The following SYTL3 variants were observed in gnomAD, a reference collection of about 807,000 sequenced individuals.
The protein encoded by SYTL3 is synaptotagmin-like protein 3.
In SYTL3, 88 loss-of-function variants were observed where a neutral mutation model predicts 82.1. The observed-to-expected ratio is 1.07, with a 90% CI of 0.90 to 1.28. The LOEUF (loss-of-function observed/expected upper bound fraction) is 1.28, where lower values mean the gene tolerates loss of function less well. Ranked by LOEUF, SYTL3 falls within the 50% of genes most tolerant of loss-of-function variation. The pLI is 0.00. For missense variants in SYTL3, 831 were observed against 757.6 expected, an observed-to-expected ratio of 1.10 and a Z score of -1.14; for synonymous variants, 311 against 289.4, an observed-to-expected ratio of 1.07 and a Z score of -0.76.
At chr6:158,674,575 G>A (rs1011163451) in intron 5 of SYTL3, among the ~76,000 whole-genome samples, 5 of 152,278 alleles carry the variant, frequency 3.3e-5, no homozygotes, top group South Asian at 4.1e-4. Flanking sequence ...TCCTGCTTTC[G>A]GCCTTCTCAT....
chr6:158,756,766 TATC>T (rs1381214852), intron 13 of SYTL3, among the ~76,000 whole-genome samples: 2 of 141,580 alleles, frequency 1.4e-5, no homozygotes, highest in African/African-American at 2.6e-5. Context: ...TTGGGCCTGT[TATC>T]ATTATTTTTG....
At position 158,674,417 on chromosome 6, in the gene SYTL3, C is replaced by T. The variant is rs547848981; in HGVS notation, c.330-8508C>T. 1.2e-4 allele frequency among the ~76,000 whole-genome samples: 19 copies of T among 152,274 alleles called. No individual in the cohort carries two copies. In the East Asian group the frequency reaches 3.7e-3, roughly 29 times the overall value. On this transcript the variant is annotated intron_variant, in intron 5 of 17. Coordinates refer to ENST00000611299, the MANE Select transcript of SYTL3 (RefSeq NM_001242394.2). ...GGAGGCTGACTGCTTTCTGAAAGTTCCCTCTGGTTCCACGGTGATGCACGG... is the reference window on the plus strand; with the variant it reads ...GGAGGCTGACTGCTTTCTGAAAGTTTCCTCTGGTTCCACGGTGATGCACGG...
Position 158,764,823 on chromosome 6 carries a change from T to C in SYTL3, c.*219T>C. ...AAGCCTCTGGTGGGTTATCTCCTCTTTGAGATGTAGAAAATGGCCAGATTT... is the reference window on the plus strand; with the variant it reads ...AAGCCTCTGGTGGGTTATCTCCTCTCTGAGATGTAGAAAATGGCCAGATTT... On this transcript the variant is annotated 3_prime_UTR_variant, in exon 18 of 18. Coordinates refer to ENST00000611299, the MANE Select transcript of SYTL3 (RefSeq NM_001242394.2). 2.3e-6 allele frequency: 1 copy of C among 427,670 alleles called. No homozygotes were observed. The highest frequency in any genetic ancestry group is 4.2e-6 in the Non-Finnish European group (1 of 239,420). 26.5% of individuals were successfully genotyped at this position (427,670 alleles called of 1,614,324 possible). A position where few individuals can be genotyped will look rare whatever the true frequency, so the allele number is the denominator to read the frequency against.
At chr6:158,717,244 A>G (rs533878095) in intron 9 of SYTL3, among the ~76,000 whole-genome samples, 2 of 152,304 alleles carry the variant, frequency 1.3e-5, no homozygotes, top group South Asian at 2.1e-4. Context: ...ATTGCACTCC[A>G]TTCTGGGCAA....
upstream of SYTL3, among the ~76,000 whole-genome samples, chr6:158,648,173 A>T (rs1420038279): frequency 2.0e-5 from 3 of 152,142 alleles, no homozygotes; most frequent in African/African-American, 7.2e-5. Context: ...CATGCTTGTA[A>T]TCCCAGCTAC....
At chr6:158,653,412 A>G (rs921921831) in intron 2 of SYTL3, among the ~76,000 whole-genome samples, 1 of 152,160 alleles carries the variant, frequency 6.6e-6, no homozygotes, top group Admixed American at 6.6e-5. Flanking sequence ...AGGTTGAGGC[A>G]GGAGAATTTC....
chr6:158,743,153 C>T (rs781402329), intron 11 of SYTL3, among the ~76,000 whole-genome samples: 10 of 152,116 alleles, frequency 6.6e-5, no homozygotes, highest in Non-Finnish European at 1.3e-4. Flanking sequence ...GGACGTGCAG[C>T]GGTAGTGATT....
intron 11 of SYTL3, among the ~76,000 whole-genome samples, chr6:158,730,644 G>A (rs1369206000): frequency 6.6e-6 from 1 of 152,196 alleles, no homozygotes; most frequent in Non-Finnish European, 1.5e-5. Flanking sequence ...AAAGCAGCCA[G>A]TAACCTGGAG....
At chr6:158,731,624 C>T (rs563262845) in intron 11 of SYTL3, among the ~76,000 whole-genome samples, 3 of 152,222 alleles carry the variant, frequency 2.0e-5, no homozygotes, top group East Asian at 1.9e-4. Context: ...GATGGTGTCT[C>T]GCTCTGTCAC....
intron 2 of SYTL3, among the ~76,000 whole-genome samples, chr6:158,657,412 C>G (rs1788804464): frequency 8.8e-6 from 1 of 113,136 alleles, no homozygotes; most frequent in African/African-American, 3.6e-5. Context: ...GGTGGCAGAG[C>G]GAGACTCTGG....
At chr6:158,762,898 C>T (rs771272332) in intron 16 of SYTL3, among the ~76,000 whole-genome samples, 3 of 152,162 alleles carry the variant, frequency 2.0e-5, no homozygotes, top group East Asian at 1.9e-4. Flanking sequence ...GCCTGGGCGA[C>T]AGAACAAAAC....
At chr6:158,660,955 G>A (rs538765375) in intron 2 of SYTL3, among the ~76,000 whole-genome samples, 22 of 152,198 alleles carry the variant, frequency 1.4e-4, no homozygotes, top group Admixed American at 3.3e-4. Context: ...CTCGGGAGGC[G>A]GAGGCTAAAG....
intron 12 of SYTL3, among the ~76,000 whole-genome samples, chr6:158,748,927 A>G (rs1030767141): frequency 6.6e-6 from 1 of 151,986 alleles, no homozygotes; most frequent in African/African-American, 2.4e-5. Context: ...CAGACATTCA[A>G]GTATAATAAG....
chr6:158,748,986 C>T (rs550339067), intron 12 of SYTL3, among the ~76,000 whole-genome samples: 8 of 152,070 alleles, frequency 5.3e-5, no homozygotes, highest in Middle Eastern at 3.4e-3. Context: ...TTTGGGAAGC[C>T]GAGAAGGGTG....
chr6:158,726,900 AGTGCAGTGGC>A (rs1784795681), intron 11 of SYTL3: 1 of 148,754 alleles, frequency 6.7e-6, no homozygotes, highest in African/African-American at 2.5e-5. Context: ...CCCAGGCTAG[AGTGCAGTGGC>A]GCGATCTTGG....
intron 11 of SYTL3, among the ~76,000 whole-genome samples, chr6:158,736,927 T>C (rs1786254001): frequency 1.3e-5 from 2 of 152,070 alleles, no homozygotes; most frequent in South Asian, 4.1e-4. Context: ...GGGGCACTTC[T>C]GAAGTCCTGG....
chr6:158,685,643 A>AC (rs1202861362), intron 6 of SYTL3, among the ~76,000 whole-genome samples: 3 of 150,510 alleles, frequency 2.0e-5, no homozygotes, highest in African/African-American at 4.9e-5. Flanking sequence ...ACATGGAGAA[A>AC]CCCCGTCTCT....
At chr6:158,729,756 CAG>C (rs1785181301) in intron 11 of SYTL3, among the ~76,000 whole-genome samples, 1 of 151,810 alleles carries the variant, frequency 6.6e-6, no homozygotes, top group Non-Finnish European at 1.5e-5. Flanking sequence ...TTAGTAGAGA[CAG>C]GGTTTCACCG....
chr6:158,756,718 AATTTTTTTTTTTT>A (rs1169824543), intron 13 of SYTL3, among the ~76,000 whole-genome samples: 1 of 47,396 alleles, frequency 2.1e-5, no homozygotes, highest in African/African-American at 7.1e-5. Context: ...CTCAAAAAAA[AATTTTTTTTTTTT>A]TTTTTTTTTT....
Sources: gnomAD v4.1 joint callset for allele counts (sites outside exome capture counted in the v4.1 genomes callset) on GRCh38, gnomAD v4.1.1 for gene constraint, MANE v1.5 for transcripts, NCBI Gene and HGNC (gene_info 2026-07-23, HGNC 2026-07-21) for gene names.